The following DNAH1 variants were observed in gnomAD, a reference collection of about 807,000 sequenced individuals.
DNAH1 encodes the protein dynein axonemal heavy chain 1.
Under a neutral mutation model 484.3 loss-of-function variants are expected in DNAH1, and 327 were observed. The observed-to-expected ratio is 0.68, with a 90% confidence interval of 0.62 to 0.74. The LOEUF (loss-of-function observed/expected upper bound fraction) is 0.74, where lower values mean the gene tolerates loss of function less well. Among genes scored for constraint, DNAH1 ranks in the 30% least tolerant of loss-of-function variants. The pLI, the probability that DNAH1 is intolerant of heterozygous loss-of-function variation, is 0.00. For synonymous variants in DNAH1, 2,192 were observed against 2,191.9 expected (o/e 1.00, Z 0.00); for missense variants, 5,052 against 5,546.8 (o/e 0.91, Z 2.83).
rs1447270973 is a variant in DNAH1 at position 52,364,490 on chromosome 3, C to A, written c.5245-148C>A. The A allele has an allele frequency of 2.3e-6, 2 of 861,336 alleles. No individual in the cohort carries two copies. The highest frequency in any genetic ancestry group is 3.8e-6 in the Non-Finnish European group (2 of 527,412). 53.4% of individuals were successfully genotyped at this position (861,336 alleles called of 1,614,324 possible). On this transcript the variant is annotated intron_variant, in intron 32 of 77. Transcript: ENST00000420323. The surrounding 1 kb of genome is among the most constrained non-coding windows in gnomAD (Gnocchi z 4.2). ...AGAAGGTGCACCTGCCCAGGCTGGGCATGTAGGTGGTCCCAGCAGGTCTGC... is the reference window on the plus strand; with the variant it reads ...AGAAGGTGCACCTGCCCAGGCTGGGAATGTAGGTGGTCCCAGCAGGTCTGC...
intron 16 of DNAH1, among the ~76,000 whole-genome samples, 151 bp downstream of exon 16, chr3:52,350,741 C>A (rs767804008): frequency 2.0e-5 from 3 of 152,232 alleles, no homozygotes; most frequent in Non-Finnish European, 4.4e-5. Flanking sequence ...GGGCTCCACA[C>A]ATGGGCCGGG....
In DNAH1 at chr3:52,399,627, G is replaced by A. The variant is rs375846884; in HGVS notation, c.12524G>A (p.Arg4175His). The change falls in exon 77 of 78, where the codon CGC (arginine) becomes CAC (histidine). Residue 4175 changes from arginine (R) to histidine (H), a missense_variant. Physicochemically the swap from Arg to His is conservative, Grantham distance 29. This residue lies in a region of DNAH1 where 853 missense variants were observed against 899.0 expected (regional missense o/e 0.95). Transcript: ENST00000420323. ...CATGGATTATTCCTGGAAGGTGCCCGCTGGGATCCAGAGGCCTTCCAGCTG... is the reference window on the plus strand; with the variant it reads ...CATGGATTATTCCTGGAAGGTGCCCACTGGGATCCAGAGGCCTTCCAGCTG... ...YIHGLFLEGARWDPEAFQLAE... is the reference protein window; with the variant it reads ...YIHGLFLEGAHWDPEAFQLAE... The A allele has an allele frequency of 1.2e-4, 187 of 1,613,880 alleles. No homozygotes were observed. The highest frequency in any genetic ancestry group is 3.5e-4 in the Admixed American group (21 of 59,996).
At chr3:52,382,229 C>T (rs2153225180) in intron 49 of DNAH1, 91 bp from the exon 50 acceptor site, 3 of 1,598,888 alleles carry the variant, frequency 1.9e-6, no homozygotes, top group South Asian at 1.1e-5. Context: ...AGCAGAATTC[C>T]AGGTGGTCAG....
In DNAH1 at chr3:52,399,774, G is replaced by A. The variant is rs767593636; in HGVS notation, c.12671G>A (p.Arg4224His). Residue 4224 changes from arginine (R) to histidine (H), a missense_variant, in exon 77 of 78, where the codon CGT (arginine) becomes CAT (histidine). By Grantham distance (29) the Arg-to-His change is conservative. Coordinates refer to ENST00000420323, the MANE Select transcript of DNAH1 (RefSeq NM_015512.5). ...TGCCCCATCTACAAGACACTGACTCGTGCTGGTATGAGGCCTGGGATGGGA... is the reference window on the plus strand; with the variant it reads ...TGCCCCATCTACAAGACACTGACTCATGCTGGTATGAGGCCTGGGATGGGA... Reference protein sequence around the residue: ...YLCPIYKTLTRAGTLSTTGHS... With the variant: ...YLCPIYKTLTHAGTLSTTGHS... The A allele has an allele frequency of 8.7e-6, 14 of 1,613,522 alleles. No individual in the cohort carries two copies. The highest frequency in any genetic ancestry group is 1.6e-4 in the Middle Eastern group (1 of 6,084).
intron 41 of DNAH1, among the ~76,000 whole-genome samples, chr3:52,371,190 G>A (rs1369962551): frequency 6.6e-6 from 1 of 152,204 alleles, no homozygotes; most frequent in African/African-American, 2.4e-5. Flanking sequence ...GAGGGCTGGG[G>A]GGCAAGCTCT....
chr3:52,355,161 C>T lies in DNAH1; in HGVS notation c.3693+106C>T. 8.7e-7 allele frequency: 1 copy of T among 1,154,510 alleles called. No homozygotes were observed. Among genetic ancestry groups the T allele is most frequent in the Non-Finnish European group, 1.3e-6 (1 of 799,024 alleles). The allele number at this position is 1,154,510 out of a possible 1,614,324, so 71.5% of individuals were successfully genotyped here. On this transcript the variant is annotated intron_variant, in intron 21 of 77. Coordinates refer to ENST00000420323, the MANE Select transcript of DNAH1 (RefSeq NM_015512.5). The surrounding 1 kb of genome is among the most constrained non-coding windows in gnomAD (Gnocchi z 4.5). ...GGTGGGGTTCAAAGCATCGCAGTGC[C>T]TTGCCCTCATTCACACAGCCCCTGG...
intron 8 of DNAH1, among the ~76,000 whole-genome samples, chr3:52,335,100 A>G (rs1212221356): frequency 2.0e-5 from 3 of 149,254 alleles, no homozygotes; most frequent in Non-Finnish European, 3.0e-5. Flanking sequence ...AGCTTTTTAA[A>G]AAAATGTGTG....
At chr3:52,331,028 C>A in intron 6 of DNAH1, 120 bp from the exon 7 acceptor site, 2 of 1,271,130 alleles carry the variant, frequency 1.6e-6, no homozygotes, top group African/African-American at 1.5e-5. Flanking sequence ...GGCATCCCAG[C>A]GGGAGAGACG....
Position 52,366,458 on chromosome 3 carries a change from C to T in DNAH1, c.5520C>T (p.Gly1840=), listed in dbSNP as rs1283953424. 1 of 1,591,376 alleles carries T rather than the reference C, an allele frequency of 6.3e-7. No homozygotes were observed. Among genetic ancestry groups the T allele is most frequent in the Admixed American group, 1.7e-5 (1 of 57,192 alleles). Reference sequence around the variant, plus strand: ...TGGGCCCCATGCCATGTCCCCCAGGCTTCCTGACAAAGTGCATCCAGCTCT... The same window carrying T: ...TGGGCCCCATGCCATGTCCCCCAGGTTTCCTGACAAAGTGCATCCAGCTCT... The part of the protein sequence containing the change: ...CRNSNLKDVE[G]FLTKCIQLYE... The change falls in exon 35 of 78, where the codon GGC becomes GGT. Residue 1840 remains glycine, a splice_region_variant and synonymous_variant. Coordinates refer to ENST00000420323, the MANE Select transcript of DNAH1 (RefSeq NM_015512.5).
intron 55 of DNAH1, 133 bp from the exon 56 acceptor site, chr3:52,386,529 G>A (rs1446655539): frequency 8.6e-6 from 11 of 1,284,804 alleles, no homozygotes; most frequent in East Asian, 7.6e-5. Flanking sequence ...GGCCAACCTC[G>A]GTGGATCTCT....
intron 70 of DNAH1, 40 bp from the exon 71 acceptor site, chr3:52,396,328 G>A (rs60344557): frequency 1.9e-5 from 30 of 1,544,976 alleles, no homozygotes; most frequent in Non-Finnish European, 2.5e-5. Context: ...GTGGCCACCA[G>A]ATATGGGTCT....
intron 37 of DNAH1, 103 bp from the exon 38 acceptor site, chr3:52,369,722 G>T (rs1489599942): frequency 3.9e-6 from 5 of 1,276,036 alleles, no homozygotes; most frequent in Non-Finnish European, 5.4e-6. Flanking sequence ...TGCCCACACC[G>T]CCCACTTACA....
chr3:52,358,492 GC>G lies in DNAH1; in HGVS notation c.4087-65del. 1 of 1,505,800 alleles carries G rather than the reference GC, an allele frequency of 6.6e-7. No homozygotes were observed. The highest frequency in any genetic ancestry group is 8.9e-7 in the Non-Finnish European group (1 of 1,118,122). The allele number at this position is 1,505,800 out of a possible 1,614,324, so 93.3% of individuals were successfully genotyped here. ...GGCACCGGGCAGGCTTAGCGCTGGG[GC>G]TGTGGTGGCCAGGGCATCTGGGCAC... On this transcript the variant is annotated intron_variant, in intron 24 of 77. Transcript: ENST00000420323. This position sits in a 1 kb window ranked among gnomAD's most constrained non-coding sequence, Gnocchi z 4.2.
chr3:52,348,990 G>A lies in DNAH1; in HGVS notation c.2209G>A (p.Val737Met), dbSNP rs368736791. 9.1e-5 allele frequency: 147 copies of A among 1,613,234 alleles called. No homozygotes were observed. In the African/African-American group the frequency reaches 1.5e-3, roughly 16 times the overall value. The change falls in exon 13 of 78, where the codon GTG becomes ATG. Residue 737 changes from valine to methionine, a missense_variant. By Grantham distance (21) the Val-to-Met change is conservative (BLOSUM62 1). Around this residue, in one of 4 missense-constraint regions of DNAH1, gnomAD observed 1,263 missense variants for 1,218.8 expected, o/e 1.04. Coordinates refer to ENST00000420323, the MANE Select transcript of DNAH1 (RefSeq NM_015512.5). Reference protein sequence around the residue: ...EELRATIASAVSKAMIPLQAY... With the variant: ...EELRATIASAMSKAMIPLQAY... ...GCTACGGGCCACCATTGCCAGTGCCGTGTCCAAGGCCATGATCCCACTGCA... is the reference window on the plus strand; with the variant it reads ...GCTACGGGCCACCATTGCCAGTGCCATGTCCAAGGCCATGATCCCACTGCA...
chr3:52,394,555 G>A lies in DNAH1; in HGVS notation c.10717G>A (p.Asp3573Asn). 6.2e-7 allele frequency: 1 copy of A among 1,613,898 alleles called. No individual in the cohort carries two copies. The highest frequency in any genetic ancestry group is 1.7e-5 in the Admixed American group (1 of 59,992). Reference protein sequence around the residue: ...PDWLSDRAWRDILALSNLPTF... With the variant: ...PDWLSDRAWRNILALSNLPTF... The stretch of plus-strand genomic sequence containing the variant: ...CTGGCTGTCAGACCGGGCTTGGCGA[G>A]ACATCCTAGCACTCTCGAACCTGCC... Residue 3573 changes from aspartate (D) to asparagine (N), a missense_variant, in exon 67 of 78, where the codon GAC becomes AAC. This residue lies in a region of DNAH1 where 853 missense variants were observed against 899.0 expected (regional missense o/e 0.95). Coordinates refer to ENST00000420323, the MANE Select transcript of DNAH1 (RefSeq NM_015512.5).
At chr3:52,320,286 A>T (rs1438462764) in intron 1 of DNAH1, among the ~76,000 whole-genome samples, 1 of 152,142 alleles carries the variant, frequency 6.6e-6, no homozygotes, top group Non-Finnish European at 1.5e-5. Flanking sequence ...GGTGGGCCAG[A>T]CTCGGCATTG....
intron 70 of DNAH1, among the ~76,000 whole-genome samples, 156 bp from the exon 71 acceptor site, chr3:52,396,212 C>T (rs965243143): frequency 2.0e-5 from 3 of 152,182 alleles, no homozygotes; most frequent in Non-Finnish European, 2.9e-5. Flanking sequence ...GGATTACAGA[C>T]GTGAGCCACC....
chr3:52,397,058 A>T lies in DNAH1; in HGVS notation c.11787+14A>T. On this transcript the variant is annotated intron_variant, in intron 73 of 77. Coordinates refer to ENST00000420323, the MANE Select transcript of DNAH1 (RefSeq NM_015512.5). ...TACGACCTCCACGTGAGTCCAGCCC[A>T]AAGGGCTGCACAGGAGGGGCCTGCC... 1 of 1,588,154 alleles carries T rather than the reference A, an allele frequency of 6.3e-7. No homozygotes were observed. The highest frequency in any genetic ancestry group is 8.6e-7 in the Non-Finnish European group (1 of 1,167,154).
At chr3:52,321,441 T>C (rs568940848) in intron 1 of DNAH1, among the ~76,000 whole-genome samples, 1 of 152,230 alleles carries the variant, frequency 6.6e-6, no homozygotes, top group Non-Finnish European at 1.5e-5. Context: ...CAATTTTTAT[T>C]GAGGTAATTG....
Sources: allele counts gnomAD v4.1 joint callset (sites outside exome capture counted in the v4.1 genomes callset), GRCh38; gene constraint gnomAD v4.1.1; regional missense constraint gnomAD v4.1.1; non-coding constraint Gnocchi (gnomAD v3.1); transcripts MANE v1.5; gene names NCBI Gene and HGNC (gene_info 2026-07-23, HGNC 2026-07-21).